The following ATAT1 variants were observed in gnomAD, a reference collection of about 807,000 sequenced individuals.
ATAT1 encodes alpha tubulin acetyltransferase 1.
In ATAT1, 42 loss-of-function variants were observed where a neutral mutation model predicts 57.2. The ratio of observed to expected loss-of-function variants is 0.73; its 90% confidence interval spans 0.57 to 0.95. ATAT1 has a LOEUF of 0.95. Among genes scored for constraint, ATAT1 ranks in the 40% least tolerant of loss-of-function variants. The pLI is 0.00. For synonymous variants in ATAT1, 168 were observed against 187.1 expected (o/e 0.90, Z 0.83); for missense variants, 454 against 523.7 (o/e 0.87, Z 1.30).
intron 8 of ATAT1, among the ~76,000 whole-genome samples, chr6:30,641,351 C>G (rs917136860): frequency 4.6e-5 from 7 of 152,216 alleles, no homozygotes; most frequent in African/African-American, 1.7e-4. Context: ...CACCTCAACT[C>G]GCTTTGGTTT....
At chr6:30,632,096 G>A (rs1185514343) in intron 6 of ATAT1, among the ~76,000 whole-genome samples, 1 of 151,148 alleles carries the variant, frequency 6.6e-6, no homozygotes, top group African/African-American at 2.4e-5. Flanking sequence ...ATCACCTGAG[G>A]TCTCTACTGA....
chr6:30,630,614 C>T (rs1170430331), intron 6 of ATAT1, among the ~76,000 whole-genome samples: 3 of 150,102 alleles, frequency 2.0e-5, no homozygotes, highest in South Asian at 2.1e-4. Context: ...CCAGCCTGAG[C>T]GACAGAGTGA....
At chr6:30,627,406 T>C (rs1454999252) in intron 1 of ATAT1, 54 bp from the exon 2 acceptor site, 16 of 1,601,238 alleles carry the variant, frequency 1.0e-5, no homozygotes, top group Non-Finnish European at 1.3e-5. Flanking sequence ...ACTGACTGCC[T>C]AGGACCCGCT....
At chr6:30,642,104 A>T in intron 8 of ATAT1, 72 bp from the exon 9 acceptor site, 30 of 1,609,030 alleles carry the variant, frequency 1.9e-5, no homozygotes, top group Non-Finnish European at 2.6e-5. Flanking sequence ...GGGTTGGGGT[A>T]TAGTGGCTGG....
rs1331056070 is a variant in ATAT1 at position 30,627,715 on chromosome 6, G to T, written c.212G>T (p.Ser71Ile). The T allele has an allele frequency of 6.2e-7, 1 of 1,612,864 alleles. No individual in the cohort carries two copies. Among genetic ancestry groups the T allele is most frequent in the Admixed American group, 1.7e-5 (1 of 60,016 alleles). ...CATGTTGTTTATATTCTCAAAGACAGTTCAGCCCGACCGTGAGTGCCACAT... is the reference window on the plus strand; with the variant it reads ...CATGTTGTTTATATTCTCAAAGACATTTCAGCCCGACCGTGAGTGCCACAT... The change falls in exon 3 of 13, where the codon AGT becomes ATT. Residue 71 changes from serine to isoleucine, a missense_variant. Transcript: ENST00000330083.
At chr6:30,642,716 TCTTC>T in intron 9 of ATAT1, 48 bp from the exon 10 acceptor site, 1 of 1,172,814 alleles carries the variant, frequency 8.5e-7, no homozygotes, top group Non-Finnish European at 1.3e-6. Context: ...GTCATGACTC[TCTTC>T]CTTTTTTCTT....
chr6:30,634,274 C>T (rs1184080351), intron 6 of ATAT1, among the ~76,000 whole-genome samples: 6 of 151,304 alleles, frequency 4.0e-5, no homozygotes, highest in Admixed American at 2.6e-4. Context: ...TTCTTTGAGA[C>T]GGAGTCTAGC....
intron 1 of ATAT1, 139 bp from the exon 2 acceptor site, chr6:30,627,321 T>C (rs1218475314): frequency 1.2e-6 from 2 of 1,612,538 alleles, no homozygotes; most frequent in East Asian, 4.5e-5. Flanking sequence ...GGAAATCAGA[T>C]TGGAAGACTC....
At position 30,642,963 on chromosome 6, in the gene ATAT1, T is replaced by C. The variant is rs371078058; in HGVS notation, c.884T>C (p.Leu295Pro). Residue 295 changes from leucine (L) to proline (P), a missense_variant, in exon 10 of 13, where the codon CTG (leucine) becomes CCG (proline). Transcript: ENST00000330083. ...CCCCCACACCCTACCGCCCGCCTTC[T>C]GTTGGCTGCTGACCCTGGGGGCAGC... 6.2e-7 allele frequency: 1 copy of C among 1,614,054 alleles called. No individual in the cohort carries two copies. Among genetic ancestry groups the C allele is most frequent in the Non-Finnish European group, 8.5e-7 (1 of 1,180,022 alleles).
At chr6:30,644,207 CTA>C in intron 10 of ATAT1, 1 of 985,840 alleles carries the variant, frequency 1.0e-6, no homozygotes, top group Non-Finnish European at 1.2e-6. Context: ...TTTGGGGTCT[CTA>C]AAGGAGATTG....
rs1762136420 is a variant in ATAT1 at position 30,628,447 on chromosome 6, A to AATAG, written c.501+20_501+23dup. Reference sequence around the variant, plus strand: ...GTCCCACAGGTTAGAGGTTTCAGAGAATAGATCCCCACTGAGCATTCCCAT... The same window carrying AATAG: ...GTCCCACAGGTTAGAGGTTTCAGAGAATAGATAGATCCCCACTGAGCATTCCCAT... On this transcript the variant is annotated intron_variant, in intron 6 of 12. Coordinates refer to ENST00000330083, the MANE Select transcript of ATAT1 (RefSeq NM_001031722.4). 1.8e-5 allele frequency: 29 copies of AATAG among 1,573,824 alleles called. No homozygotes were observed. The highest frequency in any genetic ancestry group is 2.5e-5 in the Non-Finnish European group (29 of 1,144,718).
chr6:30,630,878 C>T (rs1042584961), intron 6 of ATAT1, among the ~76,000 whole-genome samples: 3 of 151,416 alleles, frequency 2.0e-5, no homozygotes, highest in Admixed American at 6.6e-5. Flanking sequence ...GCAGAGGTTA[C>T]AGTGAGCCGA....
chr6:30,627,270 G>A lies in ATAT1; in HGVS notation c.67G>A (p.Glu23Lys), dbSNP rs1761879472. ...AAGGGAGGAGGGAGTGTGCCACCTT[G>A]AAAGGTGTGACAGAAGTTTGGGTTT... Residue 23 changes from glutamate (E) to lysine (K), a missense_variant, in exon 1 of 13, where the codon GAA (glutamate) becomes AAA (lysine). Physicochemically the swap from Glu to Lys is moderately conservative, Grantham distance 56. Coordinates refer to ENST00000330083, the MANE Select transcript of ATAT1 (RefSeq NM_001031722.4). The A allele has an allele frequency of 1.2e-6, 2 of 1,613,906 alleles. No individual in the cohort carries two copies. Among genetic ancestry groups the A allele is most frequent in the East Asian group, 2.2e-5 (1 of 44,880 alleles).
In ATAT1 at chr6:30,640,540, C is replaced by T. The variant is rs565010569; in HGVS notation, c.553C>T (p.Pro185Ser). ...CGCCGCTTCCTTCCTCACAGGGCCC[C>T]CTGCTCCCTCTCTGAGGGCAACTCG... Residue 185 changes from proline (P) to serine (S), a missense_variant, in exon 8 of 13, where the codon CCT (proline) becomes TCT (serine). Physicochemically the swap from Pro to Ser is moderately conservative, Grantham distance 74. Coordinates refer to ENST00000330083, the MANE Select transcript of ATAT1 (RefSeq NM_001031722.4). 7.1e-5 allele frequency: 115 copies of T among 1,613,008 alleles called. No individual in the cohort carries two copies. The Admixed American group carries it at 1.8e-3, about 26-fold the overall frequency.
At chr6:30,641,418 G>A (rs1246874795) in intron 8 of ATAT1, among the ~76,000 whole-genome samples, 2 of 152,204 alleles carry the variant, frequency 1.3e-5, no homozygotes, top group African/African-American at 4.8e-5. Flanking sequence ...GGGACTGAGG[G>A]CCAACAAGGA....
At chr6:30,628,283 G>T (rs377372050) in intron 5 of ATAT1, 46 bp from the exon 6 acceptor site, 171 of 1,585,788 alleles carry the variant, frequency 1.1e-4, no homozygotes, top group Non-Finnish European at 1.3e-4. Context: ...CTGTTGGCAT[G>T]CTTTCCCCAT....
chr6:30,631,571 G>A lies in ATAT1; in HGVS notation c.501+3141G>A, dbSNP rs557778565. Among the ~76,000 whole-genome samples the A allele has an allele frequency of 5.3e-5, 8 of 150,686 alleles. No individual in the cohort carries two copies. The East Asian group carries it at 1.6e-3, about 30-fold the overall frequency. ...AGGTGGGTGGATCACTTGAGCCCAGGAGTTCGAGACTAGCCTAGGCAACAT... is the reference window on the plus strand; with the variant it reads ...AGGTGGGTGGATCACTTGAGCCCAGAAGTTCGAGACTAGCCTAGGCAACAT... On this transcript the variant is annotated intron_variant, in intron 6 of 12. Transcript: ENST00000330083.
chr6:30,632,050 T>G (rs1247340583), intron 6 of ATAT1, among the ~76,000 whole-genome samples: 1 of 152,046 alleles, frequency 6.6e-6, no homozygotes, highest in African/African-American at 2.4e-5. Context: ...GACTCACACC[T>G]GTAATCCCAG....
intron 10 of ATAT1, among the ~76,000 whole-genome samples, chr6:30,645,100 C>T (rs1022396337): frequency 1.4e-4 from 21 of 152,202 alleles, no homozygotes; most frequent in South Asian, 2.1e-4. Context: ...AAGACAAACC[C>T]TTACCTCCAT....
Sources: allele counts gnomAD v4.1 joint callset (sites outside exome capture counted in the v4.1 genomes callset), GRCh38; gene constraint gnomAD v4.1.1; transcripts MANE v1.5; gene names NCBI Gene and HGNC (gene_info 2026-07-23, HGNC 2026-07-21).